The following GLIS3 variants were observed in gnomAD, a reference collection of about 807,000 sequenced individuals.
The protein encoded by GLIS3 is GLIS family zinc finger 3.
GLIS3 carries 53 observed loss-of-function variants against 78.6 expected under a neutral mutation model. That is an observed-to-expected ratio of 0.67 (90% CI 0.54 to 0.85). The LOEUF is 0.85. Among genes scored for constraint, GLIS3 ranks in the 40% least tolerant of loss-of-function variants. The pLI, the probability that GLIS3 is intolerant of heterozygous loss-of-function variation, is 0.00. For synonymous variants in GLIS3, 684 were observed against 509.9 expected (o/e 1.34, Z -4.60); for missense variants, 1,703 against 1,231.1 (o/e 1.38, Z -5.74).
the GLIS3 span, among the ~76,000 whole-genome samples, chr9:4,445,067 A>C: frequency 6.6e-6 from 1 of 152,150 alleles, no homozygotes; most frequent in Non-Finnish European, 1.5e-5. Flanking sequence ...ATTATGCATC[A>C]ACTCTGGGGA....
chr9:4,071,164 C>T (rs540894147), intron 4 of GLIS3: 2 of 152,240 alleles, frequency 1.3e-5, no homozygotes, highest in East Asian at 3.9e-4. Flanking sequence ...GACAATGCAA[C>T]GTTGGGAGGC....
intron 4 of GLIS3, among the ~76,000 whole-genome samples, chr9:4,010,158 A>G (rs975537823): frequency 4.6e-5 from 7 of 152,108 alleles, no homozygotes; most frequent in African/African-American, 1.4e-4. Flanking sequence ...AACAAGATAG[A>G]TAGAATAGCT....
chr9:4,138,849 C>T (rs1357833816), intron 2 of GLIS3, among the ~76,000 whole-genome samples: 2 of 152,158 alleles, frequency 1.3e-5, no homozygotes, highest in African/African-American at 4.8e-5. Flanking sequence ...CATATTCTTA[C>T]TAAGATGTTA....
chr9:4,305,883 C>A, intron 4 of GLIS3: 1 of 152,132 alleles, frequency 6.6e-6, no homozygotes, highest in Admixed American at 6.5e-5. Flanking sequence ...TTCTACCTGA[C>A]CTCTTAATTT....
At chr9:4,109,339 C>G (rs1009655154) in intron 4 of GLIS3, among the ~76,000 whole-genome samples, 2 of 152,226 alleles carry the variant, frequency 1.3e-5, no homozygotes, top group Non-Finnish European at 2.9e-5. Flanking sequence ...CTGTCCACAT[C>G]TTAATCATTC....
chr9:4,232,682 A>G (rs1587071363), intron 2 of GLIS3, among the ~76,000 whole-genome samples: 2 of 152,246 alleles, frequency 1.3e-5, no homozygotes, highest in Admixed American at 6.5e-5. Flanking sequence ...ACCATTATCA[A>G]TAAAGGCTTC....
At chr9:4,312,559 A>G (rs767044646) in intron 2 of GLIS3, among the ~76,000 whole-genome samples, 7 of 152,256 alleles carry the variant, frequency 4.6e-5, no homozygotes, top group Admixed American at 2.0e-4. Context: ...TAAATTATGT[A>G]CAGTATAGTT....
the GLIS3 span, among the ~76,000 whole-genome samples, chr9:4,448,912 G>C: frequency 6.6e-6 from 1 of 152,226 alleles, no homozygotes; most frequent in Non-Finnish European, 1.5e-5. Context: ...GGGTGCAGAA[G>C]ACAGTGATTT....
chr9:4,244,823 G>A (rs556179610), intron 2 of GLIS3, among the ~76,000 whole-genome samples: 7 of 152,134 alleles, frequency 4.6e-5, no homozygotes, highest in East Asian at 1.9e-4. Flanking sequence ...TGATCCACCC[G>A]CCTCAGCCTC....
At chr9:4,267,971 G>C (rs1375977141) in intron 2 of GLIS3, among the ~76,000 whole-genome samples, 1 of 151,568 alleles carries the variant, frequency 6.6e-6, no homozygotes, top group South Asian at 2.1e-4. Context: ...GTGTGTGTGT[G>C]TGTGTATGTG....
At chr9:4,406,515 T>A in the GLIS3 span, among the ~76,000 whole-genome samples, 1 of 152,160 alleles carries the variant, frequency 6.6e-6, no homozygotes, top group Admixed American at 6.6e-5. Flanking sequence ...AGAAGGGGTT[T>A]CTCAATGTTG....
chr9:4,180,420 C>A (rs920684367), intron 2 of GLIS3, among the ~76,000 whole-genome samples: 1 of 152,196 alleles, frequency 6.6e-6, no homozygotes, highest in African/African-American at 2.4e-5. Flanking sequence ...TGTTTAGCTG[C>A]TCTGAGCCTC....
At chr9:4,396,737 T>A in the GLIS3 span, among the ~76,000 whole-genome samples, 3 of 152,194 alleles carry the variant, frequency 2.0e-5, no homozygotes, top group Admixed American at 1.3e-4. Flanking sequence ...CACATACGAT[T>A]TCAGGAGATT....
At chr9:4,298,600 AGG>A (rs1277502350) in intron 1 of GLIS3, 1 of 281,102 alleles carries the variant, frequency 3.6e-6, no homozygotes, top group Non-Finnish European at 7.1e-6. Flanking sequence ...GGTCATTTAT[AGG>A]GACTGGAGCC....
chr9:4,470,597 C>T, the GLIS3 span, among the ~76,000 whole-genome samples: 7 of 152,094 alleles, frequency 4.6e-5, no homozygotes, highest in East Asian at 1.9e-4. Flanking sequence ...ATTGATGGGA[C>T]GTATCTCAAA....
At chr9:4,334,904 CTTT>C (rs56017714) in intron 2 of GLIS3, among the ~76,000 whole-genome samples, 46 of 107,014 alleles carry the variant, frequency 4.3e-4, no homozygotes, top group East Asian at 1.5e-3. Context: ...TCATTTCCAC[CTTT>C]TTTTTTTTTT....
intron 6 of GLIS3, among the ~76,000 whole-genome samples, chr9:3,904,359 G>A (rs1283384291): frequency 6.6e-6 from 1 of 152,182 alleles, no homozygotes; most frequent in Non-Finnish European, 1.5e-5. Flanking sequence ...TTCTGCCTCT[G>A]GAATGCAGCA....
the GLIS3 span, among the ~76,000 whole-genome samples, chr9:4,437,947 C>T: frequency 6.6e-6 from 1 of 152,138 alleles, no homozygotes; most frequent in African/African-American, 2.4e-5. Flanking sequence ...GTTTATGTTA[C>T]TAACAAGGCT....
At chr9:3,997,612 T>C (rs944480779) in intron 4 of GLIS3, among the ~76,000 whole-genome samples, 4 of 152,054 alleles carry the variant, frequency 2.6e-5, no homozygotes, top group Admixed American at 1.3e-4. Context: ...TCTAGGAAAG[T>C]AAGATTCATT....
Sources: allele counts gnomAD v4.1 joint callset (sites outside exome capture counted in the v4.1 genomes callset), GRCh38; gene constraint gnomAD v4.1.1; transcripts MANE v1.5; gene names NCBI Gene and HGNC (gene_info 2026-07-23, HGNC 2026-07-21).